SLC11A2: variants seen among roughly 807,000 people sequenced by gnomAD.
The protein encoded by SLC11A2 is natural resistance-associated macrophage protein 2.
SLC11A2 carries 38 observed loss-of-function variants against 68.0 expected under a neutral mutation model. The observed-to-expected ratio is 0.56, with a 90% CI of 0.43 to 0.73. The LOEUF (loss-of-function observed/expected upper bound fraction) is 0.73, where lower values mean the gene tolerates loss of function less well. SLC11A2 is among the 30% of genes least tolerant of loss of function. SLC11A2 has a pLI of 0.00. For missense variants in SLC11A2, 517 were observed against 690.5 expected, an observed-to-expected ratio of 0.75 and a Z score of 2.82; for synonymous variants, 242 against 250.6, an observed-to-expected ratio of 0.97 and a Z score of 0.32.
Position 51,008,641 on chromosome 12 carries a change from G to C in SLC11A2, c.35-17C>G. ...AAACACTGTCTGAATTAACAGATTT[G>C]AAAATAAATTAGTAAAAAATGAACA... is the stretch of plus-strand genomic sequence containing the variant. On this transcript the variant is annotated splice_polypyrimidine_tract_variant and intron_variant, in intron 2 of 15. Transcript: ENST00000262052. 1 of 1,602,856 alleles carries C rather than the reference G, an allele frequency of 6.2e-7. No individual in the cohort carries two copies. Among genetic ancestry groups the C allele is most frequent in the Non-Finnish European group, 8.5e-7 (1 of 1,170,102 alleles).
At chr12:51,004,522 T>C (rs770125268) in intron 5 of SLC11A2, among the ~76,000 whole-genome samples, 5 of 152,212 alleles carry the variant, frequency 3.3e-5, no homozygotes, top group African/African-American at 7.2e-5. Flanking sequence ...CATTGCTAGA[T>C]ACTGGAAGCC....
intron 1 of SLC11A2, chr12:51,025,933 T>G: frequency 3.0e-6 from 3 of 998,736 alleles, no homozygotes; most frequent in Non-Finnish European, 3.6e-6. Flanking sequence ...GACCTTGCCC[T>G]GTGCCCGTCG....
the SLC11A2 span, among the ~76,000 whole-genome samples, chr12:50,955,753 C>T: frequency 6.6e-6 from 1 of 152,108 alleles, no homozygotes; most frequent in Non-Finnish European, 1.5e-5. Flanking sequence ...AGTGATTTAT[C>T]TTCCTTAGCA....
At chr12:50,975,183 A>C (rs576098982), downstream of SLC11A2, among the ~76,000 whole-genome samples, 115 of 152,234 alleles carry the variant, frequency 7.6e-4, no homozygotes, top group Non-Finnish European at 2.1e-4. Context: ...TCAACAGAAT[A>C]TACATTCTTC....
chr12:50,988,437 T>G lies in SLC11A2; in HGVS notation c.1576-2A>C. On this transcript the variant is annotated splice_acceptor_variant, in intron 15 of 15. Transcript: ENST00000262052. LOFTEE classifies it high-confidence loss of function. ...CAGTGCAATCAAACATTGCCAACCC[T>G]GAAAGACAAAATATGGTCATCACTC... is the stretch of plus-strand genomic sequence containing the variant. 6.2e-7 allele frequency: 1 copy of G among 1,613,926 alleles called. No individual in the cohort carries two copies. Among genetic ancestry groups the G allele is most frequent in the Non-Finnish European group, 8.5e-7 (1 of 1,179,850 alleles).
downstream of SLC11A2, among the ~76,000 whole-genome samples, chr12:50,976,245 A>C (rs977638207): frequency 2.6e-5 from 4 of 152,248 alleles, no homozygotes; most frequent in Non-Finnish European, 4.4e-5. Context: ...AATCCTCAAT[A>C]AAATACTGGC....
In SLC11A2 at chr12:51,026,317, G is replaced by T; in HGVS notation, c.-46C>A. 2 of 1,270,804 alleles carry T rather than the reference G, an allele frequency of 1.6e-6. No homozygotes were observed. The highest frequency in any genetic ancestry group is 2.1e-6 in the Non-Finnish European group (2 of 974,826). 78.7% of individuals were successfully genotyped at this position (1,270,804 alleles called of 1,614,324 possible). A position where few individuals can be genotyped will look rare whatever the true frequency, so the allele number is the denominator to read the frequency against. On this transcript the variant is annotated 5_prime_UTR_variant, in exon 1 of 16. The change creates a new upstream start codon in the 5' untranslated region. Transcript: ENST00000262052. ...ACCTTGCCTTCCCCTCACCTTACCA[G>T]CTCCGCAACCACCTGACACGCCGCC...
the SLC11A2 span, among the ~76,000 whole-genome samples, chr12:50,956,311 G>T: frequency 2.0e-5 from 3 of 152,284 alleles, no homozygotes; most frequent in East Asian, 5.8e-4. Flanking sequence ...AGAATCACTT[G>T]AACTCAGGAA....
At chr12:50,983,045 A>G (rs1940202518), downstream of SLC11A2, among the ~76,000 whole-genome samples, 1 of 151,750 alleles carries the variant, frequency 6.6e-6, no homozygotes, top group Non-Finnish European at 1.5e-5. Flanking sequence ...TTGTAGAGAC[A>G]AGGCCTCACT....
the SLC11A2 span, among the ~76,000 whole-genome samples, chr12:50,962,075 T>C: frequency 4.1e-4 from 62 of 152,260 alleles, no homozygotes; most frequent in African/African-American, 1.3e-3. Context: ...TATAAAGTTA[T>C]AGATGCCGTG....
intron 15 of SLC11A2, among the ~76,000 whole-genome samples, chr12:50,988,714 T>A (rs888263669): frequency 6.6e-6 from 1 of 152,112 alleles, no homozygotes; most frequent in Middle Eastern, 3.2e-3. Context: ...AAATCTTTAT[T>A]ATTATTTTAC....
chr12:50,985,341 G>A (rs1378886624), downstream of SLC11A2, among the ~76,000 whole-genome samples: 1 of 152,140 alleles, frequency 6.6e-6, no homozygotes, highest in Non-Finnish European at 1.5e-5. Context: ...AGGACAACAT[G>A]GAGAACAAAA....
the SLC11A2 span, among the ~76,000 whole-genome samples, chr12:50,969,664 A>G: frequency 6.6e-6 from 1 of 150,772 alleles, no homozygotes; most frequent in Non-Finnish European, 1.5e-5. Context: ...ACGCCATTGT[A>G]CCACTCCAGC....
At chr12:51,020,280 A>G (rs1943951341) in intron 1 of SLC11A2, among the ~76,000 whole-genome samples, 1 of 149,578 alleles carries the variant, frequency 6.7e-6, no homozygotes. Flanking sequence ...CTGGTCTCAA[A>G]CTCCTGGGCT....
the SLC11A2 span, among the ~76,000 whole-genome samples, chr12:50,972,040 C>T: frequency 6.6e-6 from 1 of 152,190 alleles, no homozygotes; most frequent in Admixed American, 6.5e-5. Context: ...AGGAAAGAAT[C>T]CAACTGCTTT....
intron 4 of SLC11A2, 28 bp from the exon 5 acceptor site, chr12:51,004,935 C>G: frequency 6.2e-7 from 1 of 1,613,142 alleles, no homozygotes; most frequent in Non-Finnish European, 8.5e-7. Flanking sequence ...TCCTGTAACA[C>G]TCATTGAACA....
chr12:50,991,675 G>A lies in SLC11A2; in HGVS notation c.1348-3C>T. 6.2e-7 allele frequency: 1 copy of A among 1,612,800 alleles called. No homozygotes were observed. The highest frequency in any genetic ancestry group is 8.5e-7 in the Non-Finnish European group (1 of 1,179,202). On this transcript the variant is annotated splice_region_variant and splice_polypyrimidine_tract_variant and intron_variant, in intron 13 of 15. Transcript: ENST00000262052. ...ATGGGTATGAGAGCAAAGGGAAGCTGGAAAAGAAAGAAGATCAGATGGGAT... is the reference window on the plus strand; with the variant it reads ...ATGGGTATGAGAGCAAAGGGAAGCTAGAAAAGAAAGAAGATCAGATGGGAT...
At chr12:51,020,325 T>C (rs1172636570) in intron 1 of SLC11A2, among the ~76,000 whole-genome samples, 1 of 151,982 alleles carries the variant, frequency 6.6e-6, no homozygotes, top group African/African-American at 2.4e-5. Context: ...TGGAGTAAGT[T>C]TATCCTGTTT....
chr12:51,005,900 A>T (rs1232181859), intron 3 of SLC11A2: 1 of 344,728 alleles, frequency 2.9e-6, no homozygotes, highest in East Asian at 7.5e-5. Flanking sequence ...TCCAAAGAAA[A>T]CCTGAAAAAC....
Sources: allele counts gnomAD v4.1 joint callset (sites outside exome capture counted in the v4.1 genomes callset), GRCh38; gene constraint gnomAD v4.1.1; transcripts MANE v1.5; gene names NCBI Gene and HGNC (gene_info 2026-07-23, HGNC 2026-07-21).